Variants in VWC2 observed in about 807,000 individuals in gnomAD.
VWC2 encodes brorin.
In VWC2, 14 loss-of-function variants were observed where a neutral mutation model predicts 29.8. That is an observed-to-expected ratio of 0.47 (90% CI 0.31 to 0.74). VWC2 has a LOEUF of 0.74. VWC2 is among the 30% of genes least tolerant of loss of function. The pLI is 0.05. For synonymous variants in VWC2, 213 were observed against 199.0 expected (o/e 1.07, Z -0.59); for missense variants, 457 against 459.8 (o/e 0.99, Z 0.05).
chr7:49,775,965 C>A lies in VWC2; in HGVS notation c.530C>A (p.Pro177Gln), dbSNP rs761389415. ...TTCGCGCCGGGCCCCTCGGCCTGCC[C>A]GTGCCTGTGCACCGAGGAGGGGCCG... The part of the protein sequence containing the change: ...EKFAPGPSAC[P>Q]CLCTEEGPLC... The change falls in exon 2 of 4, where the codon CCG (proline) becomes CAG (glutamine). Residue 177 changes from proline (P) to glutamine (Q), a missense_variant. This residue lies in a region of VWC2 where 185 missense variants were observed against 257.1 expected (regional missense o/e 0.72). Transcript: ENST00000340652. The A allele has an allele frequency of 5.8e-6, 9 of 1,550,010 alleles. No individual in the cohort carries two copies. The highest frequency in any genetic ancestry group is 2.4e-5 in the East Asian group (1 of 41,374).
intron 3 of VWC2, among the ~76,000 whole-genome samples, chr7:49,911,311 A>G (rs558686699): frequency 3.3e-5 from 5 of 151,630 alleles, no homozygotes; most frequent in African/African-American, 4.8e-5. Context: ...GTGAAACCCA[A>G]TCTCTACTAA....
chr7:49,900,689 C>G (rs903397300), intron 3 of VWC2, among the ~76,000 whole-genome samples: 1 of 151,668 alleles, frequency 6.6e-6, no homozygotes, highest in Admixed American at 6.6e-5. Flanking sequence ...CAGGAAGCAC[C>G]GTGGACCCAG....
At chr7:49,864,192 T>C (rs1790787749) in intron 3 of VWC2, among the ~76,000 whole-genome samples, 1 of 152,174 alleles carries the variant, frequency 6.6e-6, no homozygotes, top group Admixed American at 6.5e-5. Context: ...CCTTAGATAT[T>C]GTTCAGTTAG....
At chr7:49,811,414 A>G (rs190748877) in intron 3 of VWC2, among the ~76,000 whole-genome samples, 5 of 152,266 alleles carry the variant, frequency 3.3e-5, no homozygotes, top group Non-Finnish European at 5.9e-5. Flanking sequence ...TGATGGTTTT[A>G]TAAGAGGCTT....
At chr7:49,783,884 TA>T (rs927005399) in intron 2 of VWC2, among the ~76,000 whole-genome samples, 7 of 150,530 alleles carry the variant, frequency 4.7e-5, no homozygotes, top group East Asian at 3.9e-4. Flanking sequence ...ACCCTGTCTC[TA>T]AAAAAAATAA....
intron 3 of VWC2, among the ~76,000 whole-genome samples, chr7:49,892,437 A>C (rs540318102): frequency 6.6e-6 from 1 of 152,338 alleles, no homozygotes; most frequent in Non-Finnish European, 1.5e-5. Flanking sequence ...TTATGAACAT[A>C]ATATTGAGGA....
chr7:49,917,452 T>C lies in VWC2; in HGVS notation c.*5267T>C, dbSNP rs1793785094. ...CTCAGTGCTTGGCCCATGAGCAGTTTATGATTTAAGACGTGCATACTGTTT... is the reference window on the plus strand; with the variant it reads ...CTCAGTGCTTGGCCCATGAGCAGTTCATGATTTAAGACGTGCATACTGTTT... On this transcript the variant is annotated 3_prime_UTR_variant, in exon 4 of 4. Transcript: ENST00000340652. 1 of 152,214 alleles carries C rather than the reference T, an allele frequency of 6.6e-6. No individual in the cohort carries two copies. Among genetic ancestry groups the C allele is most frequent in the Admixed American group, 6.5e-5 (1 of 15,282 alleles). 9.4% of individuals were successfully genotyped at this position (152,214 alleles called of 1,614,324 possible).
chr7:49,789,658 A>G (rs1011708380), intron 2 of VWC2, among the ~76,000 whole-genome samples: 1 of 152,218 alleles, frequency 6.6e-6, no homozygotes, highest in Non-Finnish European at 1.5e-5. Flanking sequence ...GTAATTCTTT[A>G]AAACAAAAGG....
chr7:49,775,867 G>A lies in VWC2; in HGVS notation c.432G>A (p.Glu144=). ...ELAPTPEPPE[E]YVYPDYRGKG... ...CGCCCACGCCCGAGCCACCCGAGGA[G>A]TACGTGTACCCGGACTACCGTGGCA... The change falls in exon 2 of 4, where the codon GAG becomes GAA. Residue 144 remains glutamate, a synonymous_variant. Transcript: ENST00000340652. The A allele has an allele frequency of 1.9e-6, 3 of 1,556,792 alleles. No homozygotes were observed. Among genetic ancestry groups the A allele is most frequent in the Non-Finnish European group, 2.6e-6 (3 of 1,151,108 alleles).
intron 3 of VWC2, among the ~76,000 whole-genome samples, chr7:49,848,953 A>C (rs1790068579): frequency 6.6e-6 from 1 of 152,242 alleles, no homozygotes; most frequent in Admixed American, 6.5e-5. Context: ...GATAGCACAA[A>C]AAGTTATCTA....
chr7:49,815,020 G>GT (rs1371220788), intron 3 of VWC2, among the ~76,000 whole-genome samples: 1 of 152,128 alleles, frequency 6.6e-6, no homozygotes, highest in Admixed American at 6.5e-5. Context: ...ACCATGTTTT[G>GT]TTGGACCCTT....
chr7:49,828,895 G>T (rs1452924097), intron 3 of VWC2, among the ~76,000 whole-genome samples: 4 of 152,186 alleles, frequency 2.6e-5, no homozygotes, highest in African/African-American at 9.7e-5. Context: ...AGGTCCCAGG[G>T]ATAGCCCGGG....
chr7:49,915,643 T>C lies in VWC2; in HGVS notation c.*3458T>C, dbSNP rs1042370478. ...GTTTCAAACAAGCATTGTTGGAAAC[T>C]AAATCCATTATTTTAAATGTGGACT... On this transcript the variant is annotated 3_prime_UTR_variant, in exon 4 of 4. Transcript: ENST00000340652. The C allele has an allele frequency of 1.1e-4, 16 of 152,188 alleles. No homozygotes were observed. The highest frequency in any genetic ancestry group is 3.4e-4 in the African/African-American group (14 of 41,470). The allele number at this position is 152,188 out of a possible 1,614,324, so 9.4% of individuals were successfully genotyped here.
intron 3 of VWC2, among the ~76,000 whole-genome samples, chr7:49,892,986 A>G (rs942076228): frequency 6.6e-6 from 1 of 152,152 alleles, no homozygotes; most frequent in Admixed American, 6.5e-5. Context: ...CCTGTCCCCA[A>G]TTTATTTGAC....
At chr7:49,856,649 C>T (rs1790428275) in intron 3 of VWC2, among the ~76,000 whole-genome samples, 1 of 151,990 alleles carries the variant, frequency 6.6e-6, no homozygotes, top group Non-Finnish European at 1.5e-5. Flanking sequence ...CTCATGTTAC[C>T]ATCACCACAG....
At chr7:49,849,648 C>T (rs1790095582) in intron 3 of VWC2, among the ~76,000 whole-genome samples, 1 of 152,228 alleles carries the variant, frequency 6.6e-6, no homozygotes, top group African/African-American at 2.4e-5. Context: ...TAGATAGAGT[C>T]TAACGCTGGG....
intron 3 of VWC2, among the ~76,000 whole-genome samples, chr7:49,876,246 T>C (rs904508024): frequency 4.6e-5 from 7 of 152,200 alleles, no homozygotes; most frequent in African/African-American, 1.7e-4. Flanking sequence ...TTGTCCAAGA[T>C]AATTTGAAAA....
At chr7:49,861,674 G>A (rs540894569) in intron 3 of VWC2, among the ~76,000 whole-genome samples, 1 of 152,262 alleles carries the variant, frequency 6.6e-6, no homozygotes, top group South Asian at 2.1e-4. Flanking sequence ...TTTTGTATAT[G>A]GTATGAGGTA....
intron 3 of VWC2, among the ~76,000 whole-genome samples, chr7:49,911,045 T>G (rs926701069): frequency 6.6e-6 from 1 of 152,362 alleles, no homozygotes; most frequent in East Asian, 1.9e-4. Context: ...ATATCTCTGC[T>G]GAAAGTGTCC....
Sources: gnomAD v4.1 joint callset for allele counts (sites outside exome capture counted in the v4.1 genomes callset) on GRCh38, gnomAD v4.1.1 for gene constraint, gnomAD v4.1.1 regional missense constraint, MANE v1.5 for transcripts, NCBI Gene and HGNC (gene_info 2026-07-23, HGNC 2026-07-21) for gene names.